Variants in CCDC90B observed in about 807,000 individuals in gnomAD.
The protein encoded by CCDC90B is coiled-coil domain-containing protein 90B, mitochondrial.
Under a neutral mutation model 37.0 loss-of-function variants are expected in CCDC90B, and 24 were observed. The ratio of observed to expected loss-of-function variants is 0.65; its 90% confidence interval spans 0.47 to 0.91. The LOEUF is 0.91. CCDC90B is among the 40% of genes least tolerant of loss of function. CCDC90B has a pLI of 0.00. For synonymous variants in CCDC90B, 113 were observed against 101.1 expected, an observed-to-expected ratio of 1.12 and a Z score of -0.71; for missense variants, 319 against 299.0, an observed-to-expected ratio of 1.07 and a Z score of -0.49.
chr11:83,285,471 C>T, intron 1 of CCDC90B: 4 of 1,115,576 alleles, frequency 3.6e-6, no homozygotes, highest in Non-Finnish European at 4.4e-6. Context: ...AAAACCTGGG[C>T]TCGAGGCCAG....
At chr11:83,285,093 T>A in intron 1 of CCDC90B, 1 of 1,169,838 alleles carries the variant, frequency 8.5e-7, no homozygotes, top group Non-Finnish European at 1.1e-6. Context: ...AATAACAGCG[T>A]AGAAGTGTTT....
At chr11:83,269,083 C>T (rs558162259) in intron 7 of CCDC90B, among the ~76,000 whole-genome samples, 4 of 152,230 alleles carry the variant, frequency 2.6e-5, no homozygotes, top group African/African-American at 4.8e-5. Flanking sequence ...AAAGACACAA[C>T]GTACCAGAAT....
chr11:83,266,277 G>A (rs1864266889), intron 7 of CCDC90B, among the ~76,000 whole-genome samples: 1 of 152,228 alleles, frequency 6.6e-6, no homozygotes, highest in Non-Finnish European at 1.5e-5. Flanking sequence ...GCAGCGCACG[G>A]AGGGTGAGCT....
chr11:83,274,479 G>T (rs1366897847), intron 4 of CCDC90B, 160 bp downstream of exon 4: 1 of 472,514 alleles, frequency 2.1e-6, no homozygotes, highest in African/African-American at 2.0e-5. Context: ...TATAGAAAAA[G>T]ATTAGGTATG....
In CCDC90B at chr11:83,280,259, C is replaced by G; in HGVS notation, c.102G>C (p.Glu34Asp). The G allele has an allele frequency of 6.2e-7, 1 of 1,611,532 alleles. No individual in the cohort carries two copies. Among genetic ancestry groups the G allele is most frequent in the Non-Finnish European group, 8.5e-7 (1 of 1,179,110 alleles). The change falls in exon 2 of 9, where the codon GAG (glutamate) becomes GAC (aspartate). Residue 34 changes from glutamate to aspartate, a missense_variant and splice_region_variant. Glu to Asp is a conservative substitution (Grantham distance 45). Transcript: ENST00000529689. ...RGHFSPALRR[E>D]FFTTTTKEGY... The stretch of plus-strand genomic sequence containing the variant: ...CCTCCTTGGTTGTGGTAGTGAAGAA[C>G]TCTGAAAGAGAAGACAATTTTTTTC...
Position 83,260,925 on chromosome 11 carries a change from G to A in CCDC90B, c.*986C>T, listed in dbSNP as rs1863899788. The A allele has an allele frequency of 6.6e-6, 1 of 152,090 alleles. No homozygotes were observed. The highest frequency in any genetic ancestry group is 6.6e-5 in the Admixed American group (1 of 15,260). The allele number at this position is 152,090 out of a possible 1,614,324, so 9.4% of individuals were successfully genotyped here. ...AATTGAAGTCATTAAGAAAAGCTTT[G>A]TTTTATGTAATAAATTTAAGATGGG... On this transcript the variant is annotated 3_prime_UTR_variant, in exon 9 of 9. Coordinates refer to ENST00000529689, the MANE Select transcript of CCDC90B (RefSeq NM_021825.5).
At chr11:83,264,652 G>C (rs1010531890) in intron 8 of CCDC90B, among the ~76,000 whole-genome samples, 1 of 152,052 alleles carries the variant, frequency 6.6e-6, no homozygotes, top group South Asian at 2.1e-4. Flanking sequence ...CAACTTTGGT[G>C]AATCTGACAA....
chr11:83,268,160 G>C (rs1055169667), intron 7 of CCDC90B, among the ~76,000 whole-genome samples: 4 of 152,168 alleles, frequency 2.6e-5, no homozygotes, highest in African/African-American at 9.7e-5. Flanking sequence ...ATGCCAAATT[G>C]TAAAGACCAT....
intron 8 of CCDC90B, among the ~76,000 whole-genome samples, chr11:83,263,314 G>A: frequency 6.6e-6 from 1 of 152,112 alleles, no homozygotes; most frequent in East Asian, 1.9e-4. Flanking sequence ...AATCGTTACT[G>A]CATTTAAGTT....
rs868434041 is a variant in CCDC90B, at chr11:83,286,098, A to G, written c.-126T>C. ...GTAGTTTTCGCTCTGTCACAAGCTC[A>G]CCTCCCAGCGCAGGCGCCACCGTGG... On this transcript the variant is annotated 5_prime_UTR_variant, in exon 1 of 9. Transcript: ENST00000529689. 8 of 1,536,428 alleles carry G rather than the reference A, an allele frequency of 5.2e-6. No homozygotes were observed. The highest frequency in any genetic ancestry group is 7.0e-6 in the Non-Finnish European group (8 of 1,146,860).
chr11:83,278,684 G>A (rs1865190928), intron 3 of CCDC90B, 42 bp downstream of exon 3: 2 of 1,257,378 alleles, frequency 1.6e-6, no homozygotes, highest in Non-Finnish European at 2.3e-6. Context: ...TGAAATGATT[G>A]TCTAATGAAA....
chr11:83,276,100 A>T (rs1236262955), intron 3 of CCDC90B, among the ~76,000 whole-genome samples: 2 of 152,046 alleles, frequency 1.3e-5, no homozygotes. Flanking sequence ...GCCTTTTCTA[A>T]CCCTCATATA....
intron 2 of CCDC90B, 75 bp from the exon 3 acceptor site, chr11:83,278,904 C>T: frequency 1.3e-6 from 1 of 759,792 alleles, no homozygotes; most frequent in Non-Finnish European, 2.3e-6. Context: ...AGAGTAACTC[C>T]TCAACATTTA....
intron 1 of CCDC90B, chr11:83,285,590 C>CA: frequency 1.5e-6 from 2 of 1,290,872 alleles, no homozygotes; most frequent in Non-Finnish European, 2.0e-6. Context: ...AGCCTCTTGT[C>CA]ACCAAAAAAC....
At position 83,285,353 on chromosome 11, in the gene CCDC90B, T is replaced by A. The variant is rs1865618546; in HGVS notation, c.100+520A>T. Reference sequence around the variant, plus strand: ...TGCCAACAGGTTGGAAACTTGTGGGTTCCAGTATTCACTTATTTTCCCAAA... The same window carrying A: ...TGCCAACAGGTTGGAAACTTGTGGGATCCAGTATTCACTTATTTTCCCAAA... On this transcript the variant is annotated intron_variant, in intron 1 of 8. Transcript: ENST00000529689. 4 of 1,174,590 alleles carry A rather than the reference T, an allele frequency of 3.4e-6. No individual in the cohort carries two copies. In the Admixed American group the frequency reaches 1.7e-4, roughly 50 times the overall value. The allele number at this position is 1,174,590 out of a possible 1,614,324, so 72.8% of individuals were successfully genotyped here.
chr11:83,281,391 T>A (rs746490772), intron 1 of CCDC90B, among the ~76,000 whole-genome samples: 1 of 152,152 alleles, frequency 6.6e-6, no homozygotes, highest in Non-Finnish European at 1.5e-5. Context: ...CTCACTGATT[T>A]TATGGACTAG....
At position 83,278,731 on chromosome 11, in the gene CCDC90B, G is replaced by A. The variant is rs538799582; in HGVS notation, c.319C>T (p.Gln107Ter). Residue 107 changes from glutamine (Q) to a stop codon, truncating the protein, a stop_gained, in exon 3 of 9, where the codon CAA becomes TAA. Coordinates refer to ENST00000529689, the MANE Select transcript of CCDC90B (RefSeq NM_021825.5). LOFTEE classifies it high-confidence loss of function. Reference protein sequence around the residue: ...TIYKEMVTQAQQEITVQQLMA... With the variant: ...TIYKEMVTQA ...GATAGTAATCAGTGTATTACCTGTTGAGCTTGAGTGACCATCTCTTTATAG... is the reference window on the plus strand; with the variant it reads ...GATAGTAATCAGTGTATTACCTGTTAAGCTTGAGTGACCATCTCTTTATAG... 4.4e-6 allele frequency: 7 copies of A among 1,596,838 alleles called. No individual in the cohort carries two copies. Among genetic ancestry groups the A allele is most frequent in the African/African-American group, 1.3e-5 (1 of 74,694 alleles).
Position 83,286,137 on chromosome 11 carries a change from G to C in CCDC90B, c.-165C>G. ...GCGCCACCGTGGTCCCACGAAACTG[G>C]GTCTCTTCACAGACAGACCCACAGT... On this transcript the variant is annotated 5_prime_UTR_variant, in exon 1 of 9. Coordinates refer to ENST00000529689, the MANE Select transcript of CCDC90B (RefSeq NM_021825.5). 1 of 1,536,230 alleles carries C rather than the reference G, an allele frequency of 6.5e-7. No homozygotes were observed. The highest frequency in any genetic ancestry group is 8.7e-7 in the Non-Finnish European group (1 of 1,146,910).
At chr11:83,269,422 AAAG>A (rs1381012924) in intron 7 of CCDC90B, among the ~76,000 whole-genome samples, 4 of 152,158 alleles carry the variant, frequency 2.6e-5, no homozygotes, top group Admixed American at 6.5e-5. Context: ...CCAGACTAAT[AAAG>A]AAGAAAAGAG....
Sources: allele counts gnomAD v4.1 joint callset (sites outside exome capture counted in the v4.1 genomes callset), GRCh38; gene constraint gnomAD v4.1.1; transcripts MANE v1.5; gene names NCBI Gene and HGNC (gene_info 2026-07-23, HGNC 2026-07-21).